The following CSK variants were observed in gnomAD, a reference collection of about 807,000 sequenced individuals.
CSK encodes the protein tyrosine-protein kinase CSK.
A neutral mutation model predicts 62.3 loss-of-function variants in CSK; 7 were observed. That is an observed-to-expected ratio of 0.11 (90% CI 0.06 to 0.21). The LOEUF is 0.21. Ranked by LOEUF, CSK falls within the 10% of genes least tolerant of loss-of-function variation. The pLI is 1.00. For synonymous variants in CSK, 237 were observed against 246.0 expected (o/e 0.96, Z 0.34); for missense variants, 294 against 613.5 (o/e 0.48, Z 5.50).
At chr15:74,795,875 T>TA (rs1851376238) in intron 1 of CSK, among the ~76,000 whole-genome samples, 1 of 152,222 alleles carries the variant, frequency 6.6e-6, no homozygotes, top group African/African-American at 2.4e-5. Flanking sequence ...TTGTTATATA[T>TA]ATTATATACT....
intron 1 of CSK, among the ~76,000 whole-genome samples, chr15:74,794,738 G>A (rs1487199556): frequency 6.6e-6 from 1 of 152,090 alleles, no homozygotes; most frequent in East Asian, 1.9e-4. Context: ...AGTCAACAGA[G>A]CCAGGTATTA....
intron 1 of CSK, among the ~76,000 whole-genome samples, chr15:74,795,116 C>T (rs961486686): frequency 6.6e-6 from 1 of 152,084 alleles, no homozygotes. Flanking sequence ...TGCCTGACAC[C>T]TTTGCTCAGA....
At chr15:74,802,234 C>G in intron 12 of CSK, 97 bp from the exon 13 acceptor site, 1 of 1,431,302 alleles carries the variant, frequency 7.0e-7, no homozygotes, top group South Asian at 1.4e-5. Flanking sequence ...GGGCCTGGGT[C>G]TGCGGCAAAG....
intron 1 of CSK, among the ~76,000 whole-genome samples, chr15:74,787,402 G>A (rs2063539733): frequency 6.6e-6 from 1 of 151,716 alleles, no homozygotes; most frequent in East Asian, 1.9e-4. Context: ...AGTGTAGACG[G>A]CACCACTCAG....
Position 74,801,950 on chromosome 15 carries a change from C to T in CSK, c.1084-47C>T, listed in dbSNP as rs771281833. ...GGCAGGAGTCCTGGGTCACTCCCCA[C>T]CCTGGAGTCCCAGGATCTGACGCTG... On this transcript the variant is annotated intron_variant, in intron 11 of 12. Transcript: ENST00000220003. 5 of 1,610,146 alleles carry T rather than the reference C, an allele frequency of 3.1e-6. No homozygotes were observed. The African/African-American group carries it at 4.0e-5, about 13-fold the overall frequency.
chr15:74,802,189 C>T (rs2063803063), intron 12 of CSK, 106 bp downstream of exon 12: 7 of 1,411,136 alleles, frequency 5.0e-6, no homozygotes, highest in East Asian at 2.3e-5. Flanking sequence ...CTAGAAGCCT[C>T]AGGCCTGCCC....
chr15:74,782,105 C>T lies in CSK; in HGVS notation c.-681C>T, dbSNP rs2063442048. On this transcript the variant is annotated 5_prime_UTR_variant, in exon 1 of 13. Coordinates refer to ENST00000220003, the MANE Select transcript of CSK (RefSeq NM_004383.3). This position sits in a 1 kb window ranked among gnomAD's most constrained non-coding sequence, Gnocchi z 5.7. ...GGATCCGGGCCGCGCTTCCTCTCGC[C>T]AGGCCTGCGAGCTTCCTCCCAGCGG... The T allele has an allele frequency of 6.8e-6, 1 of 148,122 alleles. No homozygotes were observed. The highest frequency in any genetic ancestry group is 1.8e-4 in the South Asian group (1 of 5,636). The allele number at this position is 148,122 out of a possible 1,614,324, so 9.2% of individuals were successfully genotyped here.
Position 74,800,453 on chromosome 15 carries a change from T to G in CSK, c.504T>G (p.Ile168Met). The change falls in exon 6 of 13, where the codon ATT becomes ATG. Residue 168 changes from isoleucine (I) to methionine (M), a missense_variant. Transcript: ENST00000220003. ...SDADGLCTRL[I>M]KPKVMEGTVA... The stretch of plus-strand genomic sequence containing the variant: ...CAGATGGACTCTGTACGCGCCTCAT[T>G]AAACCAAAGGTCATGGAGGGCACAG... 2 of 1,614,074 alleles carry G rather than the reference T, an allele frequency of 1.2e-6. No individual in the cohort carries two copies. Among genetic ancestry groups the G allele is most frequent in the Non-Finnish European group, 1.7e-6 (2 of 1,180,004 alleles).
chr15:74,784,271 T>A (rs1228751455), intron 1 of CSK, among the ~76,000 whole-genome samples: 1 of 152,138 alleles, frequency 6.6e-6, no homozygotes, highest in Non-Finnish European at 1.5e-5. Flanking sequence ...GACCCAGATG[T>A]CCTGGGCCTG....
chr15:74,798,502 C>T lies in CSK; in HGVS notation c.16-113C>T, dbSNP rs1415197205. On this transcript the variant is annotated intron_variant, in intron 2 of 12. Coordinates refer to ENST00000220003, the MANE Select transcript of CSK (RefSeq NM_004383.3). This position sits in a 1 kb window ranked among gnomAD's most constrained non-coding sequence, Gnocchi z 6.6. Reference sequence around the variant, plus strand: ...CCCAGGGCTCGTTCTCCGGGCAGAGCACCTCACCCAGGCTCACAGAGGCCA... The same window carrying T: ...CCCAGGGCTCGTTCTCCGGGCAGAGTACCTCACCCAGGCTCACAGAGGCCA... The T allele has an allele frequency of 4.1e-6, 5 of 1,230,116 alleles. No homozygotes were observed. Among genetic ancestry groups the T allele is most frequent in the Non-Finnish European group, 1.2e-6 (1 of 853,188 alleles). 76.2% of individuals were successfully genotyped at this position (1,230,116 alleles called of 1,614,324 possible).
chr15:74,800,391 C>T, intron 5 of CSK, 21 bp from the exon 6 acceptor site: 1 of 1,610,166 alleles, frequency 6.2e-7, no homozygotes, highest in Non-Finnish European at 8.5e-7. Flanking sequence ...CTCTGAGCAC[C>T]CTGCCCCCCA....
Position 74,798,356 on chromosome 15 carries a change from A to G in CSK, c.15+44A>G. On this transcript the variant is annotated intron_variant, in intron 2 of 12. Coordinates refer to ENST00000220003, the MANE Select transcript of CSK (RefSeq NM_004383.3). The surrounding 1 kb of genome is among the most constrained non-coding windows in gnomAD (Gnocchi z 6.6). The stretch of plus-strand genomic sequence containing the variant: ...TCTGGGACATGCAAGCATTCCCACC[A>G]GCCCCAGCGGGGTGCTTAGCAGAGG... 1 of 1,592,692 alleles carries G rather than the reference A, an allele frequency of 6.3e-7. No individual in the cohort carries two copies. The highest frequency in any genetic ancestry group is 8.6e-7 in the Non-Finnish European group (1 of 1,167,082).
intron 1 of CSK, among the ~76,000 whole-genome samples, chr15:74,786,013 T>TTGTGTGTGTGTGTGTG (rs1555464578): frequency 4.2e-4 from 20 of 47,762 alleles, no homozygotes; most frequent in Non-Finnish European, 7.8e-4. Context: ...TTTTTTTTTT[T>TTGTGTGTGTGTGTGTG]TGTGTGTGTG....
chr15:74,783,093 C>T (rs1476453366), intron 1 of CSK, among the ~76,000 whole-genome samples: 2 of 152,196 alleles, frequency 1.3e-5, no homozygotes, highest in South Asian at 4.1e-4. Flanking sequence ...AGGGCCTCCC[C>T]GCAGGTGCCC....
chr15:74,792,645 C>G (rs1323282879), intron 1 of CSK, among the ~76,000 whole-genome samples: 1 of 152,254 alleles, frequency 6.6e-6, no homozygotes, highest in Admixed American at 6.5e-5. Context: ...CCCAGCCACT[C>G]TGGCTGTCAG....
chr15:74,796,453 G>A (rs1331474636), intron 1 of CSK, among the ~76,000 whole-genome samples: 1 of 152,010 alleles, frequency 6.6e-6, no homozygotes, highest in Non-Finnish European at 1.5e-5. Context: ...ATCCAGCCAC[G>A]TGTGGTGGCG....
chr15:74,796,917 T>A (rs2063715216), intron 1 of CSK, among the ~76,000 whole-genome samples: 1 of 152,182 alleles, frequency 6.6e-6, no homozygotes, highest in South Asian at 2.1e-4. Context: ...TCTGGCTTCT[T>A]GGTTAACATT....
chr15:74,798,276 G>A lies in CSK; in HGVS notation c.-22G>A. On this transcript the variant is annotated 5_prime_UTR_variant, in exon 2 of 13. Coordinates refer to ENST00000220003, the MANE Select transcript of CSK (RefSeq NM_004383.3). The surrounding 1 kb of genome is among the most constrained non-coding windows in gnomAD (Gnocchi z 6.6). ...ACAGGTTGGCTTTACTGTGACTCGGGGACGCCAGAGCTCCTGAGAAGATGT... is the reference window on the plus strand; with the variant it reads ...ACAGGTTGGCTTTACTGTGACTCGGAGACGCCAGAGCTCCTGAGAAGATGT... 1 of 1,556,138 alleles carries A rather than the reference G, an allele frequency of 6.4e-7. No individual in the cohort carries two copies. The highest frequency in any genetic ancestry group is 8.7e-7 in the Non-Finnish European group (1 of 1,150,872).
chr15:74,784,645 G>C (rs1246353777), intron 1 of CSK, among the ~76,000 whole-genome samples: 2 of 152,178 alleles, frequency 1.3e-5, no homozygotes, highest in African/African-American at 2.4e-5. Flanking sequence ...ACCCCAAAAG[G>C]CTGAGCCACA....
Sources: allele counts gnomAD v4.1 joint callset (sites outside exome capture counted in the v4.1 genomes callset), GRCh38; gene constraint gnomAD v4.1.1; non-coding constraint Gnocchi (gnomAD v3.1); transcripts MANE v1.5; gene names NCBI Gene and HGNC (gene_info 2026-07-23, HGNC 2026-07-21).